The following PLXDC1 variants were observed in gnomAD, a reference collection of about 807,000 sequenced individuals.
PLXDC1 encodes the protein plexin domain-containing protein 1.
A neutral mutation model predicts 61.3 loss-of-function variants in PLXDC1; 39 were observed. The observed-to-expected ratio is 0.64, with a 90% confidence interval of 0.49 to 0.83. The LOEUF (loss-of-function observed/expected upper bound fraction) is 0.83, where lower values mean the gene tolerates loss of function less well. Ranked by LOEUF, PLXDC1 falls within the 40% of genes least tolerant of loss-of-function variation. The pLI is 0.00. For synonymous variants in PLXDC1, 212 were observed against 254.5 expected (o/e 0.83, Z 1.59); for missense variants, 596 against 666.5 (o/e 0.89, Z 1.17).
In PLXDC1 at chr17:39,109,370, C is replaced by A; in HGVS notation, c.277G>T (p.Val93Leu). 6.2e-7 allele frequency: 1 copy of A among 1,600,048 alleles called. No homozygotes were observed. Among genetic ancestry groups the A allele is most frequent in the East Asian group, 2.3e-5 (1 of 44,426 alleles). The change falls in exon 3 of 14, where the codon GTG (valine) becomes TTG (leucine). Residue 93 changes from valine to leucine, a missense_variant. Val to Leu is a conservative substitution (Grantham distance 32). Coordinates refer to ENST00000315392, the MANE Select transcript of PLXDC1 (RefSeq NM_020405.5). ...RVVEDNHSYY[V>L]SRLYGPSEPH... Reference sequence around the variant, plus strand: ...TCGCTGGGGCCATAGAGACGGGACACATAATAGCTGTGGTTGTCCTCCTGC... The same window carrying A: ...TCGCTGGGGCCATAGAGACGGGACAAATAATAGCTGTGGTTGTCCTCCTGC...
At chr17:39,136,377 C>T (rs1911753142) in intron 2 of PLXDC1, among the ~76,000 whole-genome samples, 1 of 152,018 alleles carries the variant, frequency 6.6e-6, no homozygotes, top group Admixed American at 6.6e-5. Context: ...AAAATGAATA[C>T]AAAAAAATAA....
chr17:39,138,799 A>G (rs118177868), intron 2 of PLXDC1, among the ~76,000 whole-genome samples: 3,735 of 152,154 alleles, frequency 0.025, 78 homozygotes, highest in Non-Finnish European at 0.038. Flanking sequence ...TATACTGAGA[A>G]GAAGGTCCTC....
At chr17:39,150,957 A>C (rs1269440904) in intron 1 of PLXDC1, among the ~76,000 whole-genome samples, 6 of 152,142 alleles carry the variant, frequency 3.9e-5, no homozygotes, top group Non-Finnish European at 8.8e-5. Context: ...GGTGTGGCAG[A>C]GAAGAGGAAA....
At chr17:39,090,293 A>T (rs967919147) in intron 7 of PLXDC1, among the ~76,000 whole-genome samples, 2 of 152,094 alleles carry the variant, frequency 1.3e-5, no homozygotes, top group Non-Finnish European at 2.9e-5. Flanking sequence ...CTACTCTGGC[A>T]TTGGTGTCAA....
chr17:39,106,535 G>A (rs2143659949), intron 6 of PLXDC1, among the ~76,000 whole-genome samples: 1 of 151,776 alleles, frequency 6.6e-6, no homozygotes, highest in South Asian at 2.1e-4. Flanking sequence ...TCTCCAGACT[G>A]GTCTTGAACT....
chr17:39,121,270 C>G (rs140886228), intron 2 of PLXDC1, among the ~76,000 whole-genome samples: 15 of 152,334 alleles, frequency 9.8e-5, no homozygotes, highest in African/African-American at 3.6e-4. Flanking sequence ...GCCAAAGCAA[C>G]ATATAAACTC....
At chr17:39,109,505 G>C (rs1910720850) in intron 2 of PLXDC1, 114 bp from the exon 3 acceptor site, 1 of 1,318,346 alleles carries the variant, frequency 7.6e-7, no homozygotes, top group East Asian at 2.5e-5. Flanking sequence ...CACCCTCCCA[G>C]GGTGCTGGAC....
At chr17:39,110,104 C>T (rs899075429) in intron 2 of PLXDC1, among the ~76,000 whole-genome samples, 5 of 151,250 alleles carry the variant, frequency 3.3e-5, no homozygotes, top group South Asian at 4.2e-4. Flanking sequence ...CCAGCCTGGG[C>T]GACAGAGCGA....
At chr17:39,140,905 T>C (rs546860059) in intron 1 of PLXDC1, among the ~76,000 whole-genome samples, 124 of 152,326 alleles carry the variant, frequency 8.1e-4, no homozygotes, top group African/African-American at 2.8e-3. Context: ...AAGTGTACAA[T>C]TCAGTAACAT....
intron 2 of PLXDC1, among the ~76,000 whole-genome samples, chr17:39,126,531 C>T (rs1389539636): frequency 1.3e-5 from 2 of 152,058 alleles, no homozygotes; most frequent in Non-Finnish European, 2.9e-5. Flanking sequence ...GTAATACATA[C>T]ATTTAAAAAA....
chr17:39,111,398 C>T (rs1910795540), intron 2 of PLXDC1, among the ~76,000 whole-genome samples: 1 of 152,224 alleles, frequency 6.6e-6, no homozygotes, highest in African/African-American at 2.4e-5. Context: ...GATTCTCGTG[C>T]CTTAGCCTCC....
At chr17:39,111,395 G>A (rs1001784767) in intron 2 of PLXDC1, among the ~76,000 whole-genome samples, 5 of 152,110 alleles carry the variant, frequency 3.3e-5, no homozygotes, top group South Asian at 2.1e-4. Context: ...AGCGATTCTC[G>A]TGCCTTAGCC....
chr17:39,099,149 C>T (rs905811577), intron 7 of PLXDC1, among the ~76,000 whole-genome samples: 3 of 140,996 alleles, frequency 2.1e-5, no homozygotes, highest in Non-Finnish European at 3.1e-5. Flanking sequence ...AGACTCCAAC[C>T]GCTCCCACCA....
chr17:39,089,501 C>T (rs1361729776), intron 7 of PLXDC1, among the ~76,000 whole-genome samples: 1 of 152,192 alleles, frequency 6.6e-6, no homozygotes, highest in South Asian at 2.1e-4. Flanking sequence ...CCAGGACCTG[C>T]CCCACTATTC....
At chr17:39,136,107 T>C (rs748878909) in intron 2 of PLXDC1, among the ~76,000 whole-genome samples, 2 of 152,136 alleles carry the variant, frequency 1.3e-5, no homozygotes, top group Non-Finnish European at 2.9e-5. Context: ...GCCAGGTGTC[T>C]CCTTAATCAG....
intron 8 of PLXDC1, among the ~76,000 whole-genome samples, chr17:39,086,642 AC>A (rs985169126): frequency 1.3e-5 from 2 of 152,046 alleles, no homozygotes; most frequent in Admixed American, 6.6e-5. Flanking sequence ...TGGGTGGATC[AC>A]TTGAGGTCAG....
chr17:39,098,436 C>T (rs1378233138), intron 7 of PLXDC1, among the ~76,000 whole-genome samples: 2 of 152,122 alleles, frequency 1.3e-5, no homozygotes, highest in African/African-American at 4.8e-5. Context: ...GGTGCCCTAA[C>T]CCCAGCAACT....
rs1909796336 is a variant in PLXDC1 at position 39,087,709 on chromosome 17, CAG to C, written c.812-9_812-8del. ...ATGCTCCTTCGCCGAGATTCTGAAA[CAG>C]AGGCAGAGCCTGTTGTCAGGAGCAT... On this transcript the variant is annotated splice_region_variant and splice_polypyrimidine_tract_variant and intron_variant, in intron 7 of 13. Transcript: ENST00000315392. 8.1e-6 allele frequency: 13 copies of C among 1,605,022 alleles called. No homozygotes were observed. The highest frequency in any genetic ancestry group is 1.7e-5 in the Admixed American group (1 of 59,860).
intron 7 of PLXDC1, among the ~76,000 whole-genome samples, chr17:39,088,451 T>C (rs1293054306): frequency 6.6e-6 from 1 of 152,196 alleles, no homozygotes; most frequent in East Asian, 1.9e-4. Flanking sequence ...GGCAAGTCAT[T>C]TGGACCTCAG....
Sources: gnomAD v4.1 joint callset for allele counts (sites outside exome capture counted in the v4.1 genomes callset) on GRCh38, gnomAD v4.1.1 for gene constraint, MANE v1.5 for transcripts, NCBI Gene and HGNC (gene_info 2026-07-23, HGNC 2026-07-21) for gene names.